Variants in DNAJC24 observed in about 807,000 individuals in gnomAD.
The protein encoded by DNAJC24 is DnaJ heat shock protein family (Hsp40) member C24.
Under a neutral mutation model 18.0 loss-of-function variants are expected in DNAJC24, and 17 were observed. That is an observed-to-expected ratio of 0.94 (90% CI 0.65 to 1.42). DNAJC24 has a LOEUF of 1.42. DNAJC24 is among the 40% of genes most tolerant of loss of function. DNAJC24 has a pLI of 0.00. For missense variants in DNAJC24, 158 were observed against 175.6 expected (o/e 0.90, Z 0.57); for synonymous variants, 55 against 57.7 (o/e 0.95, Z 0.21).
intron 2 of DNAJC24, among the ~76,000 whole-genome samples, chr11:31,394,167 A>G (rs559590057): frequency 1.3e-5 from 2 of 152,268 alleles, no homozygotes; most frequent in East Asian, 3.9e-4. Context: ...AACACTTACT[A>G]CACTAATTGG....
intron 2 of DNAJC24, among the ~76,000 whole-genome samples, chr11:31,373,841 G>C (rs1040328761): frequency 2.2e-5 from 3 of 134,358 alleles, no homozygotes; most frequent in Non-Finnish European, 3.4e-5. Flanking sequence ...TAGGTATTTG[G>C]TTTTTGGTTC....
chr11:31,390,424 A>T (rs1324918861), intron 2 of DNAJC24, among the ~76,000 whole-genome samples: 4 of 150,268 alleles, frequency 2.7e-5, no homozygotes, highest in African/African-American at 9.8e-5. Flanking sequence ...AAAAAAATTA[A>T]AGGCCGGGTG....
chr11:31,398,914 AC>A (rs1952570993), intron 2 of DNAJC24, among the ~76,000 whole-genome samples: 1 of 152,168 alleles, frequency 6.6e-6, no homozygotes, highest in Admixed American at 6.5e-5. Flanking sequence ...GTATAAAAAA[AC>A]ATCTTTTCCC....
chr11:31,383,907 A>T (rs1428546678), intron 2 of DNAJC24, among the ~76,000 whole-genome samples: 3 of 152,220 alleles, frequency 2.0e-5, no homozygotes, highest in Admixed American at 6.5e-5. Flanking sequence ...TCTATAATGT[A>T]TGTAATTATC....
rs1361207433 is a variant in DNAJC24, at chr11:31,404,182, A to G, written c.112-10629A>G. ...AACCTGTTTTATCAGTGAGGTCTTT[A>G]TGACCTGTATCTTGTATCAACCTCC... On this transcript the variant is annotated intron_variant, in intron 2 of 4. Transcript: ENST00000465995. 2.6e-5 allele frequency among the ~76,000 whole-genome samples: 4 copies of G among 152,198 alleles called. No individual in the cohort carries two copies. In the East Asian group the frequency reaches 7.7e-4, roughly 29 times the overall value.
chr11:31,399,710 C>G (rs1952580873), intron 2 of DNAJC24, among the ~76,000 whole-genome samples: 2 of 122,726 alleles, frequency 1.6e-5, no homozygotes, highest in South Asian at 5.0e-4. Context: ...CCATGCCCAG[C>G]CTCTTTTTTT....
intron 2 of DNAJC24, among the ~76,000 whole-genome samples, chr11:31,399,410 TTC>T (rs1591910004): frequency 1.3e-5 from 2 of 151,668 alleles, no homozygotes; most frequent in Non-Finnish European, 2.9e-5. Flanking sequence ...TATCTCTTAA[TTC>T]TCTTTTTTTT....
At chr11:31,423,513 G>T (rs897482671) in intron 3 of DNAJC24, among the ~76,000 whole-genome samples, 82 of 152,006 alleles carry the variant, frequency 5.4e-4, no homozygotes, top group African/African-American at 1.7e-3. Flanking sequence ...CACCCGCCTC[G>T]GCCTCCCAGA....
At chr11:31,400,925 A>G (rs1256408439) in intron 2 of DNAJC24, among the ~76,000 whole-genome samples, 1 of 152,236 alleles carries the variant, frequency 6.6e-6, no homozygotes, top group Non-Finnish European at 1.5e-5. Context: ...AGAAACTATC[A>G]TCAGAGTGAA....
Position 31,370,745 on chromosome 11 carries a change from A to G in DNAJC24, c.-4A>G, listed in dbSNP as rs1274191939. On this transcript the variant is annotated 5_prime_UTR_variant, in exon 2 of 5. It removes an upstream start codon present in the reference 5' UTR. Transcript: ENST00000465995. ...TCTGAGAAGGCCCACTTCTGGTTCC[A>G]TGGATGATGGCGGTTGAGCAGATGC... The G allele has an allele frequency of 2.5e-6, 4 of 1,598,588 alleles. No individual in the cohort carries two copies. The highest frequency in any genetic ancestry group is 2.7e-5 in the African/African-American group (2 of 74,154).
At chr11:31,397,483 T>G (rs1473210696) in intron 2 of DNAJC24, among the ~76,000 whole-genome samples, 1 of 152,084 alleles carries the variant, frequency 6.6e-6, no homozygotes, top group Non-Finnish European at 1.5e-5. Flanking sequence ...TGTGATTTTT[T>G]TTTTTTTTTT....
chr11:31,413,412 G>T (rs1330047133), intron 2 of DNAJC24, among the ~76,000 whole-genome samples: 1 of 144,792 alleles, frequency 6.9e-6, no homozygotes, highest in Non-Finnish European at 1.5e-5. Context: ...CTCACTGCAA[G>T]CTCTGCCTCC....
chr11:31,419,380 G>C (rs936956436), intron 3 of DNAJC24, among the ~76,000 whole-genome samples: 61 of 152,172 alleles, frequency 4.0e-4, no homozygotes, highest in Non-Finnish European at 5.4e-4. Context: ...AGACAGTATA[G>C]ATAAAACTTT....
intron 2 of DNAJC24, among the ~76,000 whole-genome samples, chr11:31,399,319 A>G (rs1046437620): frequency 6.6e-5 from 10 of 152,108 alleles, no homozygotes; most frequent in African/African-American, 2.4e-4. Flanking sequence ...TTTGCCATAA[A>G]TTGCCATGGA....
chr11:31,420,156 T>A (rs1193171550), intron 3 of DNAJC24, among the ~76,000 whole-genome samples: 2 of 152,094 alleles, frequency 1.3e-5, no homozygotes, highest in Non-Finnish European at 2.9e-5. Flanking sequence ...ACTTATTACC[T>A]ATTTCAAACC....
At position 31,376,689 on chromosome 11, in the gene DNAJC24, A is replaced by C. The variant is rs1484501075; in HGVS notation, c.111+5830A>C. On this transcript the variant is annotated intron_variant, in intron 2 of 4. Coordinates refer to ENST00000465995, the MANE Select transcript of DNAJC24 (RefSeq NM_181706.5). ...CTCTGACTCTAGATTCTCTCGCATTATATCACACTTCTCATAATTGCCATC... is the reference window on the plus strand; with the variant it reads ...CTCTGACTCTAGATTCTCTCGCATTCTATCACACTTCTCATAATTGCCATC... 1.9e-4 allele frequency among the ~76,000 whole-genome samples: 29 copies of C among 152,198 alleles called. 1 individual carries two copies. The highest frequency in any genetic ancestry group is 1.9e-3 in the Admixed American group (29 of 15,282).
chr11:31,393,684 T>G (rs1195058791), intron 2 of DNAJC24, among the ~76,000 whole-genome samples: 2 of 152,168 alleles, frequency 1.3e-5, no homozygotes, highest in Non-Finnish European at 2.9e-5. Context: ...ACCTTGATCT[T>G]GGACTTCACA....
chr11:31,413,523 A>G (rs528451136), intron 2 of DNAJC24, among the ~76,000 whole-genome samples: 32 of 151,906 alleles, frequency 2.1e-4, no homozygotes, highest in Middle Eastern at 3.4e-3. Context: ...TAGTAGAGTC[A>G]GGGTTTCACT....
At chr11:31,409,888 C>CTTTTTT (rs34773636) in intron 2 of DNAJC24, among the ~76,000 whole-genome samples, 2 of 137,646 alleles carry the variant, frequency 1.5e-5, no homozygotes, top group African/African-American at 2.7e-5. Flanking sequence ...TTTTCTTTTT[C>CTTTTTT]TTTTTTTTTT....
Sources: gnomAD v4.1 joint callset for allele counts (sites outside exome capture counted in the v4.1 genomes callset) on GRCh38, gnomAD v4.1.1 for gene constraint, MANE v1.5 for transcripts, NCBI Gene and HGNC (gene_info 2026-07-23, HGNC 2026-07-21) for gene names.